The following CCDC178 variants were observed in gnomAD, a reference collection of about 807,000 sequenced individuals.
CCDC178 encodes the protein coiled-coil domain containing 178.
In CCDC178, 126 loss-of-function variants were observed where a neutral mutation model predicts 117.4. The ratio of observed to expected loss-of-function variants is 1.07; its 90% CI spans 0.93 to 1.24. The LOEUF is 1.24. Ranked by LOEUF, CCDC178 falls within the 50% of genes most tolerant of loss-of-function variation. The pLI is 0.00. For missense variants in CCDC178, 1,030 were observed against 986.9 expected, an observed-to-expected ratio of 1.04 and a Z score of -0.59; for synonymous variants, 283 against 313.4, an observed-to-expected ratio of 0.90 and a Z score of 1.02.
intron 21 of CCDC178, among the ~76,000 whole-genome samples, chr18:33,036,295 A>T (rs2056443311): frequency 6.6e-6 from 1 of 151,830 alleles, no homozygotes. Context: ...TGCCTGAAAA[A>T]ATCTATTTAT....
chr18:33,083,250 C>G (rs1187954201), intron 21 of CCDC178, among the ~76,000 whole-genome samples: 1 of 152,176 alleles, frequency 6.6e-6, no homozygotes, highest in Non-Finnish European at 1.5e-5. Flanking sequence ...AGGATTCAAA[C>G]CCAGGCAGTC....
rs772689466 is a variant in CCDC178, at chr18:33,333,233, C to G, written c.820G>C (p.Asp274His). 6.2e-7 allele frequency: 1 copy of G among 1,612,584 alleles called. No individual in the cohort carries two copies. The highest frequency in any genetic ancestry group is 1.1e-5 in the South Asian group (1 of 90,986). Residue 274 changes from aspartate (D) to histidine (H), a missense_variant, in exon 10 of 23, where the codon GAC (aspartate) becomes CAC (histidine). Coordinates refer to ENST00000383096, the MANE Select transcript of CCDC178 (RefSeq NM_001105528.4). ...DYMNEHGPLL[D>H]SKQNQELQDL... ...TGAAGTTCCTGATTCTGCTTAGAGT[C>G]CAGTAGAGGGCCATGTTCATTCATG... is the stretch of plus-strand genomic sequence containing the variant.
At chr18:33,312,136 C>T (rs968886134) in intron 11 of CCDC178, among the ~76,000 whole-genome samples, 3 of 152,090 alleles carry the variant, frequency 2.0e-5, no homozygotes, top group African/African-American at 7.2e-5. Flanking sequence ...AAAACATGCA[C>T]CCAGTGGTAA....
At chr18:33,314,614 T>C (rs1255601868) in intron 11 of CCDC178, among the ~76,000 whole-genome samples, 1 of 152,134 alleles carries the variant, frequency 6.6e-6, no homozygotes, top group Admixed American at 6.5e-5. Context: ...TTTTAAAAAG[T>C]AGTAAAAGCC....
At chr18:33,182,902 G>A (rs1036377085) in intron 20 of CCDC178, among the ~76,000 whole-genome samples, 1 of 151,890 alleles carries the variant, frequency 6.6e-6, no homozygotes, top group Admixed American at 6.6e-5. Context: ...TTAAGTAAGA[G>A]GAGCTAATAC....
At chr18:33,098,436 C>T (rs958522393) in intron 20 of CCDC178, among the ~76,000 whole-genome samples, 10 of 151,986 alleles carry the variant, frequency 6.6e-5, no homozygotes, top group African/African-American at 2.2e-4. Flanking sequence ...CTCTACTCTC[C>T]TGTCCTGATG....
At chr18:33,078,229 C>T (rs1352990777) in intron 21 of CCDC178, among the ~76,000 whole-genome samples, 1 of 152,120 alleles carries the variant, frequency 6.6e-6, no homozygotes, top group African/African-American at 2.4e-5. Context: ...TAAAATTCAA[C>T]ATTGTTTCAT....
intron 15 of CCDC178, among the ~76,000 whole-genome samples, chr18:33,240,652 A>G (rs2059476457): frequency 6.6e-6 from 1 of 151,924 alleles, no homozygotes; most frequent in Admixed American, 6.6e-5. Flanking sequence ...AGATTGAATC[A>G]AGAAGAAAAG....
chr18:33,398,286 TGATAA>T (rs1172389919), intron 3 of CCDC178, among the ~76,000 whole-genome samples: 4 of 151,990 alleles, frequency 2.6e-5, no homozygotes, highest in Admixed American at 1.3e-4. Context: ...TTATATTCCA[TGATAA>T]GATATGATAC....
chr18:33,343,270 T>A (rs746243676), intron 9 of CCDC178, among the ~76,000 whole-genome samples: 65 of 152,190 alleles, frequency 4.3e-4, no homozygotes, highest in Non-Finnish European at 5.9e-4. Context: ...TGTTTGGGTA[T>A]AATATAATAT....
At chr18:33,067,571 G>A (rs1284220048) in intron 21 of CCDC178, among the ~76,000 whole-genome samples, 8 of 152,220 alleles carry the variant, frequency 5.3e-5, no homozygotes, top group South Asian at 2.1e-4. Context: ...CAGGCCAGGC[G>A]TGATGGCTCA....
chr18:33,125,364 T>C (rs2057991417), intron 20 of CCDC178, among the ~76,000 whole-genome samples: 1 of 152,158 alleles, frequency 6.6e-6, no homozygotes, highest in Admixed American at 6.6e-5. Context: ...TTGATAAATA[T>C]TAGATTTCCA....
In CCDC178 at chr18:33,060,343, C is replaced by G. The variant is rs2144958902; in HGVS notation, c.2388+32418G>C. ...CCTATAGAAAATACTTGCCATAAAG[C>G]CTTTATAATATTATTTGAGGAAACT... is the stretch of plus-strand genomic sequence containing the variant. On this transcript the variant is annotated intron_variant, in intron 21 of 22. Transcript: ENST00000383096. Among the ~76,000 whole-genome samples the G allele has an allele frequency of 1.3e-5, 2 of 152,102 alleles. 1 individual carries two copies. Among genetic ancestry groups the G allele is most frequent in the South Asian group, 4.2e-4 (2 of 4,812 alleles).
At chr18:33,319,487 T>C (rs528150232) in intron 11 of CCDC178, among the ~76,000 whole-genome samples, 8 of 152,186 alleles carry the variant, frequency 5.3e-5, no homozygotes, top group Non-Finnish European at 2.9e-5. Flanking sequence ...TTGTGAATCA[T>C]GCCGCAATAA....
intron 11 of CCDC178, among the ~76,000 whole-genome samples, chr18:33,306,540 A>AATATATGGTTATAT (rs973046913): frequency 1.4e-5 from 2 of 146,662 alleles, no homozygotes. Context: ...GGTTATATAT[A>AATATATGGTTATAT]ATATATGGTT....
At chr18:33,054,745 T>A (rs1037683550) in intron 21 of CCDC178, among the ~76,000 whole-genome samples, 1 of 152,234 alleles carries the variant, frequency 6.6e-6, no homozygotes, top group Non-Finnish European at 1.5e-5. Flanking sequence ...CTTGCATGCA[T>A]CTTTATAATA....
chr18:33,380,275 C>T (rs1448514971), intron 5 of CCDC178, among the ~76,000 whole-genome samples: 1 of 152,206 alleles, frequency 6.6e-6, no homozygotes, highest in East Asian at 1.9e-4. Flanking sequence ...ACTAATTAAG[C>T]ACTTTCCACA....
intron 21 of CCDC178, among the ~76,000 whole-genome samples, chr18:33,004,366 G>T (rs1324651420): frequency 6.6e-6 from 1 of 152,080 alleles, no homozygotes. Context: ...TGACAAAGGT[G>T]CCAAGAACAT....
intron 4 of CCDC178, among the ~76,000 whole-genome samples, chr18:33,391,647 A>G (rs774902730): frequency 1.3e-5 from 2 of 152,182 alleles, no homozygotes; most frequent in African/African-American, 4.8e-5. Context: ...AATTTAATGT[A>G]TATTTCCAAA....
Sources: allele counts gnomAD v4.1 joint callset (sites outside exome capture counted in the v4.1 genomes callset), GRCh38; gene constraint gnomAD v4.1.1; transcripts MANE v1.5; gene names NCBI Gene and HGNC (gene_info 2026-07-23, HGNC 2026-07-21).